The following ADAMTS17 variants were observed in gnomAD, a reference collection of about 807,000 sequenced individuals.
The protein encoded by ADAMTS17 is ADAM metallopeptidase with thrombospondin type 1 motif 17.
ADAMTS17 carries 113 observed loss-of-function variants against 141.5 expected under a neutral mutation model. The ratio of observed to expected loss-of-function variants is 0.80; its 90% CI spans 0.69 to 0.93. The LOEUF is 0.93. Ranked by LOEUF, ADAMTS17 falls within the 40% of genes least tolerant of loss-of-function variation. The pLI is 0.00. For missense variants in ADAMTS17, 1,659 were observed against 1,517.9 expected (o/e 1.09, Z -1.54); for synonymous variants, 768 against 630.6 (o/e 1.22, Z -3.27).
chr15:100,204,400 A>G (rs2041453477), intron 7 of ADAMTS17, among the ~76,000 whole-genome samples: 1 of 152,216 alleles, frequency 6.6e-6, no homozygotes, highest in Non-Finnish European at 1.5e-5. Context: ...GTCACAAGAG[A>G]GCATGTGGCA....
intron 7 of ADAMTS17, 114 bp from the exon 8 acceptor site, chr15:100,199,537 G>A: frequency 2.3e-6 from 2 of 880,434 alleles, no homozygotes; most frequent in Non-Finnish European, 3.9e-6. Context: ...CGGCAACAAT[G>A]GTGACTATGA....
chr15:100,096,590 CCTGAT>C, intron 14 of ADAMTS17, 114 bp from the exon 15 acceptor site: 1 of 1,394,946 alleles, frequency 7.2e-7, no homozygotes, highest in Non-Finnish European at 1.0e-6. Context: ...GGCCTGGGGC[CCTGAT>C]CCATTCAGAG....
In ADAMTS17 at chr15:100,330,749, G is replaced by T; in HGVS notation, c.616+140C>A. ...AGACACATAGAAAGGAAAAGGAAGT[G>T]GTCTCAGGGCAATAAAACAGCTTTT... On this transcript the variant is annotated intron_variant, in intron 3 of 21. Transcript: ENST00000268070. 3 of 1,036,082 alleles carry T rather than the reference G, an allele frequency of 2.9e-6. No homozygotes were observed. In the South Asian group the frequency reaches 4.8e-5, roughly 16 times the overall value. The allele number at this position is 1,036,082 out of a possible 1,614,324, so 64.2% of individuals were successfully genotyped here. A position where few individuals can be genotyped will look rare whatever the true frequency, so the allele number is the denominator to read the frequency against.
chr15:100,340,396 C>A (rs1199797621), intron 2 of ADAMTS17, among the ~76,000 whole-genome samples: 2 of 152,196 alleles, frequency 1.3e-5, no homozygotes, highest in African/African-American at 2.4e-5. Flanking sequence ...AATGTAAACA[C>A]CCCTCAGGCC....
At chr15:99,984,379 G>A (rs1197959294) in intron 20 of ADAMTS17, among the ~76,000 whole-genome samples, 3 of 152,168 alleles carry the variant, frequency 2.0e-5, no homozygotes, top group African/African-American at 4.8e-5. Flanking sequence ...ACGCCATGCC[G>A]CCATCACGTG....
chr15:100,046,389 A>T (rs2031685889), intron 18 of ADAMTS17, among the ~76,000 whole-genome samples: 1 of 152,150 alleles, frequency 6.6e-6, no homozygotes, highest in South Asian at 2.1e-4. Flanking sequence ...ACTCTGCCAC[A>T]TCGTGTGTGT....
intron 12 of ADAMTS17, among the ~76,000 whole-genome samples, chr15:100,117,293 G>A (rs931250753): frequency 1.3e-5 from 2 of 152,124 alleles, no homozygotes; most frequent in South Asian, 2.1e-4. Context: ...CACACATTGC[G>A]TCCTTCATCT....
chr15:100,236,655 C>T (rs2042664914), intron 7 of ADAMTS17, among the ~76,000 whole-genome samples: 1 of 152,106 alleles, frequency 6.6e-6, no homozygotes, highest in Admixed American at 6.5e-5. Context: ...CTGGGAAACG[C>T]TGTAAGACCT....
chr15:100,089,060 G>A (rs1484617518), intron 15 of ADAMTS17, among the ~76,000 whole-genome samples: 2 of 151,716 alleles, frequency 1.3e-5, no homozygotes, highest in Admixed American at 6.6e-5. Context: ...GCAACCTACA[G>A]AATGAGAGAA....
intron 3 of ADAMTS17, among the ~76,000 whole-genome samples, chr15:100,303,199 AAT>A (rs929408631): frequency 6.8e-6 from 1 of 147,074 alleles, no homozygotes; most frequent in Non-Finnish European, 1.5e-5. Context: ...ACCTTTATAA[AAT>A]ATATAATATA....
intron 18 of ADAMTS17, among the ~76,000 whole-genome samples, chr15:100,036,285 C>A (rs577961777): frequency 6.6e-6 from 1 of 152,360 alleles, no homozygotes; most frequent in South Asian, 2.1e-4. Context: ...TGGGCAAATT[C>A]TCTGTCTTAG....
At chr15:100,168,847 C>G (rs1032832020) in intron 8 of ADAMTS17, 15 of 152,346 alleles carry the variant, frequency 9.8e-5, no homozygotes, top group African/African-American at 3.6e-4. Context: ...TGTCCTGCAC[C>G]CAGGCTGTCT....
chr15:100,267,868 G>C (rs548448803), intron 4 of ADAMTS17, among the ~76,000 whole-genome samples: 9 of 152,308 alleles, frequency 5.9e-5, no homozygotes, highest in Admixed American at 2.6e-4. Context: ...TTTATCCTTT[G>C]TCTTACAGAC....
rs2060828153 is a variant in ADAMTS17 at position 99,997,525 on chromosome 15, C to T, written c.2656G>A (p.Val886Met). 2 of 1,613,676 alleles carry T rather than the reference C, an allele frequency of 1.2e-6. No homozygotes were observed. Among genetic ancestry groups the T allele is most frequent in the African/African-American group, 1.3e-5 (1 of 75,070 alleles). Residue 886 changes from valine (V) to methionine (M), a missense_variant, in exon 19 of 22, where the codon GTG becomes ATG. Transcript: ENST00000268070. The surrounding 1 kb of genome is among the most constrained non-coding windows in gnomAD (Gnocchi z 4.7). ...TCEKGFQHRE[V>M]TCVYQLQNGT... ...TTCTGCAGCTGGTACACGCAGGTCA[C>T]CTCCCGGTGCTGGAAGCCTTTCTCA...
intron 7 of ADAMTS17, among the ~76,000 whole-genome samples, chr15:100,228,478 T>G (rs2042377147): frequency 6.6e-6 from 1 of 152,190 alleles, no homozygotes; most frequent in Non-Finnish European, 1.5e-5. Flanking sequence ...AATTCATTAT[T>G]GATCAATTAG....
chr15:100,157,726 T>A (rs1013516473), intron 8 of ADAMTS17, among the ~76,000 whole-genome samples: 1 of 152,170 alleles, frequency 6.6e-6, no homozygotes, highest in Non-Finnish European at 1.5e-5. Flanking sequence ...TGTGTTGATC[T>A]GGCGTGGTGG....
At chr15:99,975,685 C>T (rs965177421) in intron 21 of ADAMTS17, among the ~76,000 whole-genome samples, 2 of 152,176 alleles carry the variant, frequency 1.3e-5, no homozygotes, top group African/African-American at 4.8e-5. Flanking sequence ...TGTGCATCCT[C>T]ATGGCATCAT....
At chr15:100,315,262 C>T (rs914178630) in intron 3 of ADAMTS17, among the ~76,000 whole-genome samples, 5 of 152,196 alleles carry the variant, frequency 3.3e-5, no homozygotes, top group Admixed American at 6.5e-5. Flanking sequence ...CTGCTTCCTG[C>T]GGCAGCCTCG....
chr15:100,070,632 C>T (rs1218379494), intron 15 of ADAMTS17, among the ~76,000 whole-genome samples: 7 of 150,062 alleles, frequency 4.7e-5, no homozygotes, highest in African/African-American at 1.5e-4. Flanking sequence ...CAACCTGCTC[C>T]TGAATGACTA....
Sources: gnomAD v4.1 joint callset for allele counts (sites outside exome capture counted in the v4.1 genomes callset) on GRCh38, gnomAD v4.1.1 for gene constraint, Gnocchi (gnomAD v3.1) non-coding constraint, MANE v1.5 for transcripts, NCBI Gene and HGNC (gene_info 2026-07-23, HGNC 2026-07-21) for gene names.